Variants in CSRNP3 observed in about 807,000 individuals in gnomAD.
CSRNP3 encodes the protein cysteine and serine rich nuclear protein 3, also known as cysteine/serine-rich nuclear protein 3.
A neutral mutation model predicts 48.0 loss-of-function variants in CSRNP3; 12 were observed. The ratio of observed to expected loss-of-function variants is 0.25; its 90% CI spans 0.16 to 0.41. The LOEUF is 0.41. Among genes scored for constraint, CSRNP3 ranks in the 10% least tolerant of loss-of-function variants. CSRNP3 has a pLI of 1.00. For missense variants in CSRNP3, 580 were observed against 724.4 expected, an observed-to-expected ratio of 0.80 and a Z score of 2.29; for synonymous variants, 263 against 269.7, an observed-to-expected ratio of 0.98 and a Z score of 0.24.
intron 4 of CSRNP3, among the ~76,000 whole-genome samples, chr2:165,623,435 C>T (rs1454531592): frequency 6.6e-6 from 1 of 152,180 alleles, no homozygotes; most frequent in Non-Finnish European, 1.5e-5. Flanking sequence ...CTTGAATTAT[C>T]CCGAAACCAT....
intron 3 of CSRNP3, among the ~76,000 whole-genome samples, chr2:165,527,957 AAG>A (rs1684759887): frequency 6.6e-6 from 1 of 152,116 alleles, no homozygotes; most frequent in African/African-American, 2.4e-5. Flanking sequence ...GAGAGAAAGA[AAG>A]AGAAAAAAGA....
chr2:165,490,152 C>T (rs1363188112), intron 1 of CSRNP3, among the ~76,000 whole-genome samples: 472 of 147,312 alleles, frequency 3.2e-3, no homozygotes, highest in African/African-American at 0.01. Context: ...TATACACCAA[C>T]AACAGACAAA....
intron 3 of CSRNP3, among the ~76,000 whole-genome samples, chr2:165,589,213 G>A (rs995972263): frequency 1.3e-5 from 2 of 152,018 alleles, no homozygotes; most frequent in African/African-American, 4.8e-5. Flanking sequence ...TTTATTAATA[G>A]GGCCTTCTCA....
At chr2:165,641,139 A>G (rs182322935) in intron 4 of CSRNP3, among the ~76,000 whole-genome samples, 10 of 152,334 alleles carry the variant, frequency 6.6e-5, no homozygotes, top group East Asian at 1.9e-4. Flanking sequence ...TATTTTATGT[A>G]TAAATAATGG....
intron 3 of CSRNP3, among the ~76,000 whole-genome samples, chr2:165,554,347 A>AT (rs1685136655): frequency 6.6e-6 from 1 of 152,080 alleles, no homozygotes. Flanking sequence ...TCACTGGAAA[A>AT]TTTTTATCTT....
rs1481629742 is a variant in CSRNP3 at position 165,686,548 on chromosome 2, T to C, written c.*6795T>C. On this transcript the variant is annotated 3_prime_UTR_variant, in exon 7 of 7. Coordinates refer to ENST00000651982, the MANE Select transcript of CSRNP3 (RefSeq NM_001172173.2). Reference sequence around the variant, plus strand: ...AATCTAAATCTCAATTACCCTAAAGTGGAAAAACCTAAGTATCTAACCTAG... The same window carrying C: ...AATCTAAATCTCAATTACCCTAAAGCGGAAAAACCTAAGTATCTAACCTAG... 6.6e-6 allele frequency: 1 copy of C among 152,042 alleles called. No individual in the cohort carries two copies. The highest frequency in any genetic ancestry group is 1.5e-5 in the Non-Finnish European group (1 of 67,968). 9.4% of individuals were successfully genotyped at this position (152,042 alleles called of 1,614,324 possible).
chr2:165,581,139 C>A (rs1685539123), intron 3 of CSRNP3, among the ~76,000 whole-genome samples: 1 of 152,184 alleles, frequency 6.6e-6, no homozygotes, highest in Non-Finnish European at 1.5e-5. Context: ...TTTTGACTTT[C>A]AAACTAGTGT....
chr2:165,478,012 A>G (rs896111409), intron 1 of CSRNP3, among the ~76,000 whole-genome samples: 7 of 151,664 alleles, frequency 4.6e-5, no homozygotes, highest in Admixed American at 2.6e-4. Flanking sequence ...AGGAAGGAAG[A>G]AAGAAAGAAG....
intron 4 of CSRNP3, among the ~76,000 whole-genome samples, chr2:165,597,141 T>A (rs1180756243): frequency 6.6e-6 from 1 of 152,164 alleles, no homozygotes; most frequent in Non-Finnish European, 1.5e-5. Context: ...TTCTCATGAG[T>A]TATAAAGGAA....
chr2:165,651,580 T>A (rs1686904800), intron 4 of CSRNP3, among the ~76,000 whole-genome samples: 1 of 152,202 alleles, frequency 6.6e-6, no homozygotes, highest in Admixed American at 6.5e-5. Flanking sequence ...GTACAGATTA[T>A]TTTATGTGCC....
chr2:165,575,816 T>TTATCAAATCC (rs1685441461), intron 3 of CSRNP3, among the ~76,000 whole-genome samples: 2 of 151,954 alleles, frequency 1.3e-5, no homozygotes, highest in African/African-American at 4.8e-5. Context: ...ATGGGGACAT[T>TTATCAAATCC]ATGACATTTA....
At chr2:165,595,396 T>G (rs1180919916) in intron 4 of CSRNP3, among the ~76,000 whole-genome samples, 183 bp downstream of exon 4, 2 of 152,208 alleles carry the variant, frequency 1.3e-5, no homozygotes, top group African/African-American at 2.4e-5. Flanking sequence ...TTTAGAATAC[T>G]TTTTTGCAGT....
rs1418159182 is a variant in CSRNP3, at chr2:165,689,259, T to C, written c.*9506T>C. ...TATTGTGGCTTTTTATTGCAGTGTG[T>C]ATATATATATAACAAATAAGCATTT... On this transcript the variant is annotated 3_prime_UTR_variant, in exon 7 of 7. Transcript: ENST00000651982. 1.4e-5 allele frequency: 2 copies of C among 147,494 alleles called. No individual in the cohort carries two copies. The highest frequency in any genetic ancestry group is 2.9e-5 in the Non-Finnish European group (2 of 67,938). 9.1% of individuals were successfully genotyped at this position (147,494 alleles called of 1,614,324 possible). A position where few individuals can be genotyped will look rare whatever the true frequency, so the allele number is the denominator to read the frequency against.
At chr2:165,642,724 G>T (rs553425940) in intron 4 of CSRNP3, among the ~76,000 whole-genome samples, 3 of 151,988 alleles carry the variant, frequency 2.0e-5, no homozygotes, top group Non-Finnish European at 2.9e-5. Flanking sequence ...CACCATGCCC[G>T]GCTAATTTTG....
chr2:165,543,177 C>T (rs1684980566), intron 3 of CSRNP3, among the ~76,000 whole-genome samples: 1 of 152,136 alleles, frequency 6.6e-6, no homozygotes, highest in Admixed American at 6.5e-5. Context: ...CCTCATCTGT[C>T]TTCCTTAACT....
At chr2:165,533,774 T>C (rs1375848898) in intron 3 of CSRNP3, among the ~76,000 whole-genome samples, 4 of 152,178 alleles carry the variant, frequency 2.6e-5, no homozygotes, top group African/African-American at 9.6e-5. Flanking sequence ...TTAAGACAAG[T>C]AGTTTATTTT....
chr2:165,511,734 G>A (rs4667827), intron 2 of CSRNP3, among the ~76,000 whole-genome samples: 45,716 of 151,982 alleles, frequency 0.3, 7,457 homozygotes, highest in African/African-American at 0.41. Flanking sequence ...ATAGAGCCAA[G>A]CCATGAATTA....
At chr2:165,491,961 A>G (rs894494000) in intron 1 of CSRNP3, among the ~76,000 whole-genome samples, 1 of 150,502 alleles carries the variant, frequency 6.6e-6, no homozygotes, top group Non-Finnish European at 1.5e-5. Flanking sequence ...AAAAAAAAAA[A>G]AAAAAACAAA....
intron 4 of CSRNP3, among the ~76,000 whole-genome samples, chr2:165,606,366 CAAAAAAAAAAA>C (rs1229143916): frequency 3.2e-5 from 2 of 63,106 alleles, no homozygotes; most frequent in African/African-American, 4.8e-5. Context: ...GCTAATGCAG[CAAAAAAAAAAA>C]AAAAAAAAGT....
Sources: allele counts gnomAD v4.1 joint callset (sites outside exome capture counted in the v4.1 genomes callset), GRCh38; gene constraint gnomAD v4.1.1; transcripts MANE v1.5; gene names NCBI Gene and HGNC (gene_info 2026-07-23, HGNC 2026-07-21).